THTPA: variants seen among roughly 807,000 people sequenced by gnomAD.
THTPA encodes thiamine triphosphatase, also known as thiamine-triphosphatase.
Under a neutral mutation model 16.5 loss-of-function variants are expected in THTPA, and 16 were observed. The observed-to-expected ratio is 0.97, with a 90% CI of 0.66 to 1.47. THTPA has a LOEUF of 1.47. THTPA is among the 40% of genes most tolerant of loss of function. The pLI is 0.00. For synonymous variants in THTPA, 110 were observed against 115.5 expected, an observed-to-expected ratio of 0.95 and a Z score of 0.30; for missense variants, 281 against 280.9, an observed-to-expected ratio of 1.00 and a Z score of 0.00.
chr14:23,531,678 C>T, the THTPA span: 4 of 1,417,240 alleles, frequency 2.8e-6, no homozygotes, highest in Admixed American at 5.1e-5. Context: ...GTGGTATAGC[C>T]CCAGCTCTGC....
the THTPA span, chr14:23,522,926 G>A: frequency 2.1e-6 from 3 of 1,447,982 alleles, no homozygotes; most frequent in South Asian, 1.4e-5. Context: ...GAGGAGGCCT[G>A]AGGAGGCTGC....
the THTPA span, chr14:23,531,460 C>A: frequency 7.2e-7 from 1 of 1,389,234 alleles, no homozygotes; most frequent in South Asian, 1.6e-5. Flanking sequence ...AGCTCTTATT[C>A]TCCAGTCCCT....
chr14:23,521,856 G>C, the THTPA span: 2 of 1,484,546 alleles, frequency 1.3e-6, no homozygotes, highest in Non-Finnish European at 1.8e-6. Context: ...TGTGAGGTGG[G>C]CGGGGCCAGG....
At chr14:23,523,767 C>A in the THTPA span, 1 of 1,536,100 alleles carries the variant, frequency 6.5e-7, no homozygotes, top group Admixed American at 2.0e-5. The surrounding 1 kb of genome is among the most constrained non-coding windows in gnomAD (Gnocchi z 4.1). Flanking sequence ...CCATCTGGAA[C>A]CCCAGTCCCA....
the THTPA span, chr14:23,533,056 G>T: frequency 6.5e-7 from 1 of 1,533,500 alleles, no homozygotes; most frequent in Non-Finnish European, 8.7e-7. This position sits in a 1 kb window ranked among gnomAD's most constrained non-coding sequence, Gnocchi z 4.8. Context: ...TTGGAGGCAG[G>T]TGGGCATCAG....
the THTPA span, chr14:23,548,478 C>T: frequency 6.6e-6 from 1 of 152,182 alleles, no homozygotes; most frequent in African/African-American, 2.4e-5. Flanking sequence ...ACACCAGCTG[C>T]CTCTGACATC....
At chr14:23,547,933 C>T in the THTPA span, among the ~76,000 whole-genome samples, 1 of 152,202 alleles carries the variant, frequency 6.6e-6, no homozygotes, top group African/African-American at 2.4e-5. Flanking sequence ...ACAGCTAAGT[C>T]TCTCAGACTA....
chr14:23,548,701 G>A, the THTPA span, among the ~76,000 whole-genome samples: 2 of 152,188 alleles, frequency 1.3e-5, no homozygotes, highest in African/African-American at 4.8e-5. Flanking sequence ...TTAGGCCAAT[G>A]AAATGAATGC....
At chr14:23,535,118 G>A in the THTPA span, 3 of 1,536,066 alleles carry the variant, frequency 2.0e-6, no homozygotes, top group Non-Finnish European at 2.6e-6. The surrounding 1 kb of genome is among the most constrained non-coding windows in gnomAD (Gnocchi z 4.5). Context: ...ATCTCCTTTG[G>A]TGGGACGAGG....
chr14:23,542,203 G>A, the THTPA span: 1 of 152,512 alleles, frequency 6.6e-6, no homozygotes, highest in Non-Finnish European at 1.5e-5. Context: ...CCTGTCCCCA[G>A]TGAGAAGGAG....
chr14:23,549,297 GT>G, the THTPA span, among the ~76,000 whole-genome samples: 3 of 151,866 alleles, frequency 2.0e-5, no homozygotes, highest in East Asian at 1.9e-4. Flanking sequence ...TCTACCCCAT[GT>G]GTTTATTGCA....
chr14:23,558,627 G>T, intron 1 of THTPA, 68 bp from the exon 2 acceptor site: 1 of 1,595,560 alleles, frequency 6.3e-7, no homozygotes, highest in South Asian at 1.1e-5. Flanking sequence ...TGGCTAGGTG[G>T]GCAGGGAGCA....
chr14:23,550,308 CCTGA>C, the THTPA span, among the ~76,000 whole-genome samples: 1 of 152,184 alleles, frequency 6.6e-6, no homozygotes, highest in Non-Finnish European at 1.5e-5. Context: ...TCCTCCAGGC[CCTGA>C]CTGTGACCAC....
At chr14:23,523,745 C>G in the THTPA span, 22 of 1,536,270 alleles carry the variant, frequency 1.4e-5, no homozygotes, top group Non-Finnish European at 1.9e-5. This position sits in a 1 kb window ranked among gnomAD's most constrained non-coding sequence, Gnocchi z 4.1. Context: ...CCTGTAGCGC[C>G]GCTGCCCCAT....
At chr14:23,540,306 C>T in the THTPA span, among the ~76,000 whole-genome samples, 1 of 152,208 alleles carries the variant, frequency 6.6e-6, no homozygotes, top group African/African-American at 2.4e-5. Flanking sequence ...AACAGTTTTG[C>T]CTTTCACTTT....
At chr14:23,541,990 G>A in the THTPA span, among the ~76,000 whole-genome samples, 2 of 152,144 alleles carry the variant, frequency 1.3e-5, no homozygotes, top group African/African-American at 4.8e-5. Context: ...GAAAGAACGA[G>A]TATGGCAGGG....
At chr14:23,530,176 G>C in the THTPA span, 1 of 1,535,844 alleles carries the variant, frequency 6.5e-7, no homozygotes, top group Non-Finnish European at 8.7e-7. Context: ...CTCAGCTAAG[G>C]GGGTGACAGG....
At chr14:23,540,018 C>T in the THTPA span, among the ~76,000 whole-genome samples, 2 of 152,210 alleles carry the variant, frequency 1.3e-5, no homozygotes, top group East Asian at 1.9e-4. Context: ...GACAGGGTCT[C>T]GCTCGGTCTC....
the THTPA span, chr14:23,525,564 G>A: frequency 6.5e-7 from 1 of 1,535,614 alleles, no homozygotes; most frequent in Admixed American, 2.0e-5. This position sits in a 1 kb window ranked among gnomAD's most constrained non-coding sequence, Gnocchi z 5.9. Flanking sequence ...GGCACAGCTT[G>A]CTTCCCTTCA....
Sources: gnomAD v4.1 joint callset for allele counts (sites outside exome capture counted in the v4.1 genomes callset) on GRCh38, gnomAD v4.1.1 for gene constraint, Gnocchi (gnomAD v3.1) non-coding constraint, MANE v1.5 for transcripts, NCBI Gene and HGNC (gene_info 2026-07-23, HGNC 2026-07-21) for gene names.